Variants in JMY observed in about 807,000 individuals in gnomAD.
JMY encodes junction mediating and regulatory protein, p53 cofactor.
Under a neutral mutation model 103.3 loss-of-function variants are expected in JMY, and 46 were observed. The observed-to-expected ratio is 0.45, with a 90% CI of 0.35 to 0.57. JMY has a LOEUF of 0.57. Among genes scored for constraint, JMY ranks in the 20% least tolerant of loss-of-function variants. The probability of loss-of-function intolerance (pLI) is 0.00; values close to 1 mark genes in which losing one functional copy is unlikely to be tolerated. For missense variants in JMY, 1,238 were observed against 1,255.2 expected (o/e 0.99, Z 0.21); for synonymous variants, 526 against 489.3 (o/e 1.07, Z -0.99).
In JMY at chr5:79,326,611, T is replaced by A. The variant is rs1747654874; in HGVS notation, c.*5009T>A. The A allele has an allele frequency of 6.6e-6, 1 of 152,164 alleles. No individual in the cohort carries two copies. The highest frequency in any genetic ancestry group is 6.5e-5 in the Admixed American group (1 of 15,284). 9.4% of individuals were successfully genotyped at this position (152,164 alleles called of 1,614,324 possible). On this transcript the variant is annotated 3_prime_UTR_variant, in exon 11 of 11. Transcript: ENST00000396137. ...TTCCAAGTGTGCAAACTATAATATG[T>A]AGTTAATGAAAAATGGAAGGCTGCA...
intron 1 of JMY, among the ~76,000 whole-genome samples, chr5:79,242,883 A>T (rs1320569233): frequency 2.6e-5 from 4 of 151,540 alleles, no homozygotes; most frequent in African/African-American, 4.9e-5. Flanking sequence ...TTCCAAGTTC[A>T]CGCAATTCTT....
At chr5:79,266,419 A>G (rs1416327628) in intron 1 of JMY, among the ~76,000 whole-genome samples, 1 of 152,200 alleles carries the variant, frequency 6.6e-6, no homozygotes, top group Non-Finnish European at 1.5e-5. Flanking sequence ...ATCATGTATT[A>G]ATACTTGTTA....
chr5:79,266,513 A>G (rs143723517), intron 1 of JMY, among the ~76,000 whole-genome samples: 2 of 152,356 alleles, frequency 1.3e-5, no homozygotes, highest in East Asian at 1.9e-4. Context: ...TTTGATATGC[A>G]TATACAATGT....
chr5:79,303,583 G>A (rs907191631), intron 6 of JMY, among the ~76,000 whole-genome samples: 1 of 152,208 alleles, frequency 6.6e-6, no homozygotes, highest in Non-Finnish European at 1.5e-5. Context: ...TGTAGTGCGA[G>A]GAGAAAGGCT....
chr5:79,314,636 C>CCCCCACAA lies in JMY; in HGVS notation c.2444_2445insCCCCACAA (p.Pro817ThrfsTer74). The CCCCCACAA allele has an allele frequency of 2.0e-6, 3 of 1,502,574 alleles. No individual in the cohort carries two copies. The highest frequency in any genetic ancestry group is 2.8e-6 in the Non-Finnish European group (3 of 1,090,256). 93.1% of individuals were successfully genotyped at this position (1,502,574 alleles called of 1,614,324 possible). On this transcript the variant is annotated frameshift_variant, in exon 9 of 11. Transcript: ENST00000396137. LOFTEE classifies it high-confidence loss of function. Reference sequence around the variant, plus strand: ...CTTCCTCCAACACCACCACCTCCCCCACCTCCTCCCCCTCCCCCACCACCA... The same window carrying CCCCCACAA: ...CTTCCTCCAACACCACCACCTCCCCCCCCCACAAACCTCCTCCCCCTCCCCCACCACCA...
rs1258295597 is a variant in JMY, at chr5:79,267,292, G to A, written c.1033-10618G>A. Among the ~76,000 whole-genome samples the A allele has an allele frequency of 2.6e-5, 4 of 152,210 alleles. No individual in the cohort carries two copies. The East Asian group carries it at 7.7e-4, about 29-fold the overall frequency. On this transcript the variant is annotated intron_variant, in intron 1 of 10. Transcript: ENST00000396137. ...TGTTTTGACAAATGCATAATGTCCT[G>A]CTGTCCTGTGTACACCATTATAATA... is the stretch of plus-strand genomic sequence containing the variant.
chr5:79,315,991 T>C lies in JMY; in HGVS notation c.2660-9T>C. ...TAACTGTAATACTGTTCTGTTTCATTTTCCAAAGTGAGCTCACCCATGGAT... is the reference window on the plus strand; with the variant it reads ...TAACTGTAATACTGTTCTGTTTCATCTTCCAAAGTGAGCTCACCCATGGAT... On this transcript the variant is annotated splice_polypyrimidine_tract_variant and intron_variant, in intron 9 of 10. Coordinates refer to ENST00000396137, the MANE Select transcript of JMY (RefSeq NM_152405.5). 1 of 1,611,360 alleles carries C rather than the reference T, an allele frequency of 6.2e-7. No homozygotes were observed. Among genetic ancestry groups the C allele is most frequent in the Non-Finnish European group, 8.5e-7 (1 of 1,178,442 alleles).
intron 6 of JMY, among the ~76,000 whole-genome samples, chr5:79,303,556 A>C (rs1299690761): frequency 6.6e-6 from 1 of 152,220 alleles, no homozygotes; most frequent in Non-Finnish European, 1.5e-5. Context: ...AGGCTATGAA[A>C]GACTGAGCTG....
chr5:79,277,851 A>T, intron 1 of JMY, 59 bp from the exon 2 acceptor site: 1 of 1,490,996 alleles, frequency 6.7e-7, no homozygotes. Flanking sequence ...AGTTCAAAGC[A>T]AGTATTTATA....
At chr5:79,259,971 C>G (rs1295799758) in intron 1 of JMY, among the ~76,000 whole-genome samples, 2 of 152,202 alleles carry the variant, frequency 1.3e-5, no homozygotes, top group Non-Finnish European at 2.9e-5. Flanking sequence ...CATCCTGGGC[C>G]CACCTCTGCC....
At chr5:79,276,408 C>T (rs1002378428) in intron 1 of JMY, among the ~76,000 whole-genome samples, 5 of 152,082 alleles carry the variant, frequency 3.3e-5, no homozygotes, top group African/African-American at 1.2e-4. Context: ...GCATGAGCCA[C>T]TGTGCCTGGC....
chr5:79,236,707 T>C lies in JMY; in HGVS notation c.57T>C (p.His19=), dbSNP rs1289348906. 6.7e-6 allele frequency: 10 copies of C among 1,500,262 alleles called. No homozygotes were observed. In the South Asian group the frequency reaches 7.6e-5, roughly 11 times the overall value. The allele number at this position is 1,500,262 out of a possible 1,614,324, so 92.9% of individuals were successfully genotyped here. A position where few individuals can be genotyped will look rare whatever the true frequency, so the allele number is the denominator to read the frequency against. ...LESDWVAVRP[H]VFDEREKHKF... is the part of the protein sequence containing the mutation. ...CGGACTGGGTGGCTGTGCGGCCCCATGTGTTCGACGAGCGCGAGAAACACA... is the reference window on the plus strand; with the variant it reads ...CGGACTGGGTGGCTGTGCGGCCCCACGTGTTCGACGAGCGCGAGAAACACA... The change falls in exon 1 of 11, where the codon CAT becomes CAC. Residue 19 remains histidine (H), a synonymous_variant. Transcript: ENST00000396137.
At chr5:79,290,320 G>A (rs73769608) in intron 3 of JMY, 49 bp downstream of exon 3, 3 of 1,297,028 alleles carry the variant, frequency 2.3e-6, no homozygotes, top group South Asian at 3.8e-5. Context: ...AAAATGAGTG[G>A]TTAAGTATTT....
At chr5:79,277,792 C>A in intron 1 of JMY, 118 bp from the exon 2 acceptor site, 1 of 748,020 alleles carries the variant, frequency 1.3e-6, no homozygotes. Context: ...CTTTTCATTC[C>A]CTCTTGCTTC....
chr5:79,280,617 A>G (rs1311463403), intron 2 of JMY, among the ~76,000 whole-genome samples: 1 of 152,208 alleles, frequency 6.6e-6, no homozygotes, highest in Non-Finnish European at 1.5e-5. Flanking sequence ...GTTAGCCAAC[A>G]ACTAGATTTA....
chr5:79,299,637 T>C (rs1746672476), intron 4 of JMY, among the ~76,000 whole-genome samples: 1 of 152,210 alleles, frequency 6.6e-6, no homozygotes, highest in African/African-American at 2.4e-5. Flanking sequence ...AGCAATTGTC[T>C]TCTGCTGTTC....
At chr5:79,251,951 T>C (rs948439940) in intron 1 of JMY, among the ~76,000 whole-genome samples, 3 of 152,060 alleles carry the variant, frequency 2.0e-5, no homozygotes, top group South Asian at 2.1e-4. Context: ...ATTTTTTGTA[T>C]TTTTAGTAGA....
intron 1 of JMY, among the ~76,000 whole-genome samples, chr5:79,257,359 T>G (rs1745275713): frequency 1.3e-5 from 2 of 152,040 alleles, no homozygotes; most frequent in South Asian, 4.1e-4. Context: ...TCCTAGTACT[T>G]TGGGAGGCTG....
Position 79,324,095 on chromosome 5 carries a change from AT to A in JMY, c.*2494del, listed in dbSNP as rs1747552828. The A allele has an allele frequency of 7.0e-6, 1 of 142,340 alleles. No homozygotes were observed. Among genetic ancestry groups the A allele is most frequent in the African/African-American group, 2.7e-5 (1 of 37,248 alleles). The allele number at this position is 142,340 out of a possible 1,614,324, so 8.8% of individuals were successfully genotyped here. Reference sequence around the variant, plus strand: ...CAAAAACCTTTGGAGTTACTCACAAATAATAATAAAATTTCAAATAACTAGG... The same window carrying A: ...CAAAAACCTTTGGAGTTACTCACAAAAATAATAAAATTTCAAATAACTAGG... On this transcript the variant is annotated 3_prime_UTR_variant, in exon 11 of 11. Transcript: ENST00000396137.
Sources: allele counts gnomAD v4.1 joint callset (sites outside exome capture counted in the v4.1 genomes callset), GRCh38; gene constraint gnomAD v4.1.1; transcripts MANE v1.5; gene names NCBI Gene and HGNC (gene_info 2026-07-23, HGNC 2026-07-21).